RNF152: variants seen among roughly 807,000 people sequenced by gnomAD.
RNF152 encodes the protein E3 ubiquitin-protein ligase RNF152.
RNF152 carries 11 observed loss-of-function variants against 12.7 expected under a neutral mutation model. That is an observed-to-expected ratio of 0.86 (90% CI 0.54 to 1.43). The LOEUF is 1.43. Among genes scored for constraint, RNF152 ranks in the 40% most tolerant of loss-of-function variants. The pLI is 0.00. For missense variants in RNF152, 255 were observed against 274.8 expected (o/e 0.93, Z 0.51); for synonymous variants, 113 against 120.3 (o/e 0.94, Z 0.40).
chr18:61,868,445 G>A (rs111584642), intron 1 of RNF152, among the ~76,000 whole-genome samples: 11,539 of 151,978 alleles, frequency 0.076, 543 homozygotes, highest in African/African-American at 0.12. Flanking sequence ...GCAGTGGCTC[G>A]TGCCTGTAAT....
At chr18:61,833,077 G>C (rs28525583) in intron 1 of RNF152, among the ~76,000 whole-genome samples, 1 of 151,960 alleles carries the variant, frequency 6.6e-6, no homozygotes, top group Admixed American at 6.5e-5. Context: ...TTCCTCAGCT[G>C]TATCTACTAA....
chr18:61,860,988 A>G (rs1467052524), intron 1 of RNF152, among the ~76,000 whole-genome samples: 1 of 152,278 alleles, frequency 6.6e-6, no homozygotes, highest in East Asian at 1.9e-4. Context: ...ATTTTGGTAC[A>G]GTTGTATAAT....
intron 1 of RNF152, among the ~76,000 whole-genome samples, chr18:61,855,862 T>C (rs1599300371): frequency 6.6e-6 from 1 of 152,152 alleles, no homozygotes; most frequent in East Asian, 1.9e-4. Flanking sequence ...GGCTGGTGAC[T>C]CCCAGAGGAT....
At chr18:61,874,216 C>T (rs979476020) in intron 1 of RNF152, among the ~76,000 whole-genome samples, 1 of 152,182 alleles carries the variant, frequency 6.6e-6, no homozygotes, top group Non-Finnish European at 1.5e-5. Context: ...CCTAATATTA[C>T]CTCCTCGCTG....
intron 1 of RNF152, among the ~76,000 whole-genome samples, chr18:61,879,456 C>G (rs1452013887): frequency 6.6e-6 from 1 of 152,052 alleles, no homozygotes; most frequent in Non-Finnish European, 1.5e-5. Flanking sequence ...ATCAGTGCCC[C>G]ATAGATACTG....
chr18:61,857,111 T>C (rs1911259934), intron 1 of RNF152, among the ~76,000 whole-genome samples: 1 of 152,192 alleles, frequency 6.6e-6, no homozygotes, highest in African/African-American at 2.4e-5. Flanking sequence ...AGACACAGAA[T>C]CTCACTTTTT....
At chr18:61,868,323 G>T (rs1911831718) in intron 1 of RNF152, among the ~76,000 whole-genome samples, 1 of 152,186 alleles carries the variant, frequency 6.6e-6, no homozygotes, top group South Asian at 2.1e-4. Context: ...CTCAGTATCA[G>T]TTCAGAGACC....
At chr18:61,817,277 G>GATCACAAAGGCACACTC (rs1338254280) in intron 1 of RNF152, among the ~76,000 whole-genome samples, 1 of 152,166 alleles carries the variant, frequency 6.6e-6, no homozygotes, top group Non-Finnish European at 1.5e-5. Flanking sequence ...AGGCAGTGTG[G>GATCACAAAGGCACACTC]ATCACAAAGG....
In RNF152 at chr18:61,850,213, C is replaced by T. The variant is rs1465362358; in HGVS notation, c.-135-33615G>A. ...TATCTAACCTTGTTATTCTTCAATG[C>T]CCCTTGTCAGTAAAGTGTGAACACT... On this transcript the variant is annotated intron_variant, in intron 1 of 1. Transcript: ENST00000312828. 3.9e-5 allele frequency among the ~76,000 whole-genome samples: 6 copies of T among 152,202 alleles called. No homozygotes were observed. In the East Asian group the frequency reaches 1.2e-3, roughly 29 times the overall value.
chr18:61,863,524 G>C (rs1049348083), intron 1 of RNF152, among the ~76,000 whole-genome samples: 1 of 151,564 alleles, frequency 6.6e-6, no homozygotes, highest in Admixed American at 6.6e-5. Flanking sequence ...TTCTTCTACT[G>C]ACTTTTTACA....
intron 1 of RNF152, among the ~76,000 whole-genome samples, chr18:61,882,624 G>C (rs1179048773): frequency 6.6e-6 from 1 of 152,180 alleles, no homozygotes; most frequent in Non-Finnish European, 1.5e-5. Flanking sequence ...TAGAAGAACT[G>C]GTGGCTTGGC....
At chr18:61,843,492 T>C (rs1910546066) in intron 1 of RNF152, among the ~76,000 whole-genome samples, 1 of 152,220 alleles carries the variant, frequency 6.6e-6, no homozygotes, top group African/African-American at 2.4e-5. Context: ...TGATGAGATA[T>C]TTCTACATCC....
intron 1 of RNF152, among the ~76,000 whole-genome samples, chr18:61,877,060 A>G (rs1482928075): frequency 6.6e-6 from 1 of 152,226 alleles, no homozygotes. Flanking sequence ...ATCCTGTGCA[A>G]ATAGAACAGG....
At position 61,813,888 on chromosome 18, in the gene RNF152, C is replaced by G. The variant is rs1908940542; in HGVS notation, c.*1964G>C. The G allele has an allele frequency of 6.6e-6, 1 of 152,118 alleles. No individual in the cohort carries two copies. The highest frequency in any genetic ancestry group is 1.5e-5 in the Non-Finnish European group (1 of 68,026). The allele number at this position is 152,118 out of a possible 1,614,324, so 9.4% of individuals were successfully genotyped here. Reference sequence around the variant, plus strand: ...GTTTGAGAAATTGACACTAACCCAACAGTATATTATGTTATGTAATAGAGG... The same window carrying G: ...GTTTGAGAAATTGACACTAACCCAAGAGTATATTATGTTATGTAATAGAGG... On this transcript the variant is annotated 3_prime_UTR_variant, in exon 2 of 2. Transcript: ENST00000312828.
chr18:61,818,922 C>T (rs768493974), intron 1 of RNF152, among the ~76,000 whole-genome samples: 6 of 151,930 alleles, frequency 3.9e-5, no homozygotes, highest in African/African-American at 9.7e-5. Flanking sequence ...ACAATTGTAA[C>T]GTAAATACAA....
rs137935150 is a variant in RNF152, at chr18:61,860,188, C to T, written c.-136+32607G>A. On this transcript the variant is annotated intron_variant, in intron 1 of 1. Transcript: ENST00000312828. The stretch of plus-strand genomic sequence containing the variant: ...GGGTCTCAGAAGTGCATGGGCCTGC[C>T]GACACCATGCCTGTGGACTTCCAGC... Among the ~76,000 whole-genome samples the T allele has an allele frequency of 1.7e-3, 257 of 152,198 alleles. 1 individual carries two copies. The highest frequency in any genetic ancestry group is 3.1e-3 in the Non-Finnish European group (213 of 68,022).
intron 1 of RNF152, among the ~76,000 whole-genome samples, chr18:61,819,482 T>A (rs192078776): frequency 6.6e-6 from 1 of 152,230 alleles, no homozygotes; most frequent in East Asian, 1.9e-4. Flanking sequence ...GTAGCTGAAG[T>A]GAATAGTGAT....
In RNF152 at chr18:61,818,006, C is replaced by T. The variant is rs1013985986; in HGVS notation, c.-135-1408G>A. On this transcript the variant is annotated intron_variant, in intron 1 of 1. Transcript: ENST00000312828. ...CAACACCTAGAGATGGGAGCTATAA[C>T]ACTCCTTCACATTTGTCTTAAAAGT... Among the ~76,000 whole-genome samples, 4 of 152,190 alleles carry T rather than the reference C, an allele frequency of 2.6e-5. No individual in the cohort carries two copies. The East Asian group carries it at 5.8e-4, about 22-fold the overall frequency.
intron 1 of RNF152, among the ~76,000 whole-genome samples, chr18:61,881,562 T>A (rs1912463898): frequency 6.6e-6 from 1 of 152,168 alleles, no homozygotes; most frequent in Non-Finnish European, 1.5e-5. Flanking sequence ...ACTGTTGCCC[T>A]TTGCCATAGT....
Sources: gnomAD v4.1 joint callset for allele counts (sites outside exome capture counted in the v4.1 genomes callset) on GRCh38, gnomAD v4.1.1 for gene constraint, MANE v1.5 for transcripts, NCBI Gene and HGNC (gene_info 2026-07-23, HGNC 2026-07-21) for gene names.